The following NUP210 variants were observed in gnomAD, a reference collection of about 807,000 sequenced individuals.
NUP210 encodes nucleoporin 210, also known as nuclear pore membrane glycoprotein 210.
NUP210 carries 151 observed loss-of-function variants against 196.0 expected under a neutral mutation model. That is an observed-to-expected ratio of 0.77 (90% CI 0.67 to 0.88). NUP210 has a LOEUF of 0.88. Ranked by LOEUF, NUP210 falls within the 40% of genes least tolerant of loss-of-function variation. The pLI is 0.00. For missense variants in NUP210, 2,314 were observed against 2,493.7 expected, an observed-to-expected ratio of 0.93 and a Z score of 1.53; for synonymous variants, 1,070 against 1,052.7, an observed-to-expected ratio of 1.02 and a Z score of -0.32.
At chr3:13,409,145 C>A (rs1312176605) in intron 1 of NUP210, among the ~76,000 whole-genome samples, 2 of 152,208 alleles carry the variant, frequency 1.3e-5, no homozygotes, top group Non-Finnish European at 2.9e-5. Flanking sequence ...GGGACATGTG[C>A]TGGGTTTGGG....
At chr3:13,336,638 C>T in intron 27 of NUP210, 149 bp downstream of exon 27, 1 of 802,680 alleles carries the variant, frequency 1.2e-6, no homozygotes, top group Non-Finnish European at 1.9e-6. Flanking sequence ...CCCGATGAGC[C>T]TCGGGAGAGG....
At chr3:13,326,202 C>T (rs562734442) in intron 32 of NUP210, among the ~76,000 whole-genome samples, 108 of 152,380 alleles carry the variant, frequency 7.1e-4, no homozygotes, top group African/African-American at 1.8e-3. Flanking sequence ...TGACCCACAA[C>T]TCCCTGCCTG....
Position 13,350,783 on chromosome 3 carries a change from C to T in NUP210, c.2835+1096G>A, listed in dbSNP as rs1300759798. On this transcript the variant is annotated intron_variant, in intron 20 of 39. Coordinates refer to ENST00000254508, the MANE Select transcript of NUP210 (RefSeq NM_024923.4). The surrounding 1 kb of genome is among the most constrained non-coding windows in gnomAD (Gnocchi z 4.1). ...ATCTTGGCTCACTGCAAGCTCCACC[C>T]GCTGGGTTCACGCCATCTCCTGCCT... Among the ~76,000 whole-genome samples the T allele has an allele frequency of 2.0e-5, 3 of 151,228 alleles. No homozygotes were observed. Among genetic ancestry groups the T allele is most frequent in the Non-Finnish European group, 4.4e-5 (3 of 67,760 alleles).
Position 13,347,236 on chromosome 3 carries a change from G to T in NUP210, c.2836-3933C>A, listed in dbSNP as rs954375115. ...CCCGGCTTCATTCCCTCCTGAATCC[G>T]CAGTGCTTAACACAGCACCTGGCAC... is the stretch of plus-strand genomic sequence containing the variant. On this transcript the variant is annotated intron_variant, in intron 20 of 39. Transcript: ENST00000254508. This position sits in a 1 kb window ranked among gnomAD's most constrained non-coding sequence, Gnocchi z 4.7. 1.0e-6 allele frequency: 1 copy of T among 984,740 alleles called. No individual in the cohort carries two copies. The highest frequency in any genetic ancestry group is 1.2e-6 in the Non-Finnish European group (1 of 829,466). 61.0% of individuals were successfully genotyped at this position (984,740 alleles called of 1,614,324 possible).
chr3:13,368,936 G>C (rs919384683), intron 13 of NUP210, among the ~76,000 whole-genome samples: 2 of 152,142 alleles, frequency 1.3e-5, no homozygotes, highest in Non-Finnish European at 2.9e-5. Context: ...AACACCTTTG[G>C]ATGTGCACCC....
intron 39 of NUP210, 83 bp downstream of exon 39, chr3:13,318,989 G>A (rs1027423740): frequency 7.5e-7 from 1 of 1,339,828 alleles, no homozygotes; most frequent in African/African-American, 1.5e-5. Flanking sequence ...GAGACTTAGG[G>A]TTCAGGAGCC....
rs1696284040 is a variant in NUP210 at position 13,316,642 on chromosome 3, A to G, written c.*1039T>C. 1.3e-5 allele frequency: 2 copies of G among 152,238 alleles called. No individual in the cohort carries two copies. The highest frequency in any genetic ancestry group is 2.9e-5 in the Non-Finnish European group (2 of 68,054). The allele number at this position is 152,238 out of a possible 1,614,324, so 9.4% of individuals were successfully genotyped here. ...GGCCCTGGGCTGGCGGCCGCCCTCCATCATTGGCCCAGGCCGGGCTCTAGG... is the reference window on the plus strand; with the variant it reads ...GGCCCTGGGCTGGCGGCCGCCCTCCGTCATTGGCCCAGGCCGGGCTCTAGG... On this transcript the variant is annotated 3_prime_UTR_variant, in exon 40 of 40. Transcript: ENST00000254508.
intron 6 of NUP210, among the ~76,000 whole-genome samples, chr3:13,385,869 A>G (rs1051008629): frequency 6.6e-6 from 1 of 152,254 alleles, no homozygotes; most frequent in African/African-American, 2.4e-5. Context: ...TTAAAAGGGA[A>G]GGGAATTCCA....
At chr3:13,325,681 C>A in intron 33 of NUP210, 114 bp downstream of exon 33, 1 of 1,290,748 alleles carries the variant, frequency 7.7e-7, no homozygotes, top group Non-Finnish European at 1.1e-6. Flanking sequence ...CTCCCAGACC[C>A]AACCCCTCAG....
intron 16 of NUP210, 69 bp downstream of exon 16, chr3:13,358,153 A>G (rs541616676): frequency 2.1e-6 from 3 of 1,428,646 alleles, no homozygotes; most frequent in Middle Eastern, 5.1e-4. Flanking sequence ...ACCATGGGCG[A>G]GGCCACCAAT....
intron 16 of NUP210, among the ~76,000 whole-genome samples, chr3:13,357,058 C>A (rs2124886565): frequency 6.6e-6 from 1 of 152,344 alleles, no homozygotes; most frequent in South Asian, 2.1e-4. Flanking sequence ...CCAGAGAGGA[C>A]CTGCTCTCCA....
intron 33 of NUP210, 60 bp downstream of exon 33, chr3:13,325,735 A>G: frequency 6.3e-7 from 1 of 1,583,850 alleles, no homozygotes; most frequent in Non-Finnish European, 8.6e-7. Flanking sequence ...TCCTCCCAGA[A>G]GGTCAGGCCC....
chr3:13,324,439 G>A (rs1696662347), intron 33 of NUP210, among the ~76,000 whole-genome samples: 2 of 152,152 alleles, frequency 1.3e-5, no homozygotes, highest in Non-Finnish European at 2.9e-5. Flanking sequence ...TGGGAGAGCT[G>A]TGACATCTCT....
chr3:13,412,919 C>T (rs9881841), intron 1 of NUP210, among the ~76,000 whole-genome samples: 33,533 of 151,454 alleles, frequency 0.22, 5,801 homozygotes, highest in African/African-American at 0.49. Flanking sequence ...TGCAGTGAGC[C>T]GAGATCAGGC....
At chr3:13,331,711 G>A (rs1697001971) in intron 29 of NUP210, among the ~76,000 whole-genome samples, 1 of 152,218 alleles carries the variant, frequency 6.6e-6, no homozygotes, top group African/African-American at 2.4e-5. Context: ...CAACATGTAA[G>A]TGTCCTGTGG....
In NUP210 at chr3:13,325,844, G is replaced by A. The variant is rs1220845827; in HGVS notation, c.4595C>T (p.Ser1532Phe). ...TGVAVARAVG[S>F]VTVYYEVAGH... Reference sequence around the variant, plus strand: ...AGCGACCTCATAGTAAACCGTCACGGATCCCACGGCCCGGGCCACAGCCAC... The same window carrying A: ...AGCGACCTCATAGTAAACCGTCACGAATCCCACGGCCCGGGCCACAGCCAC... Residue 1532 changes from serine (S) to phenylalanine (F), a missense_variant, in exon 33 of 40, where the codon TCC becomes TTC. Coordinates refer to ENST00000254508, the MANE Select transcript of NUP210 (RefSeq NM_024923.4). The A allele has an allele frequency of 1.2e-6, 2 of 1,613,838 alleles. No homozygotes were observed. Among genetic ancestry groups the A allele is most frequent in the Admixed American group, 1.7e-5 (1 of 60,006 alleles).
Position 13,406,893 on chromosome 3 carries a change from C to A in NUP210, c.168-7032G>T, listed in dbSNP as rs986788598. On this transcript the variant is annotated intron_variant, in intron 1 of 39. Transcript: ENST00000254508. ...GCAGGTTTCATAGTCGGGAGTGGTGCGTGTGGCTTTCCCAGGGACCCCTCA... is the reference window on the plus strand; with the variant it reads ...GCAGGTTTCATAGTCGGGAGTGGTGAGTGTGGCTTTCCCAGGGACCCCTCA... Among the ~76,000 whole-genome samples the A allele has an allele frequency of 1.4e-4, 18 of 127,824 alleles. 1 individual carries two copies. The South Asian group carries it at 3.4e-3, about 24-fold the overall frequency. The allele number at this position is 127,824 out of a possible 152,430, so 83.9% of individuals were successfully genotyped here.
chr3:13,349,711 G>A (rs1184214577), intron 20 of NUP210, among the ~76,000 whole-genome samples: 2 of 152,222 alleles, frequency 1.3e-5, no homozygotes, highest in East Asian at 3.8e-4. Context: ...AGTTGCTCCT[G>A]AAGGAACTGA....
At chr3:13,372,071 A>T in intron 12 of NUP210, 39 bp from the exon 13 acceptor site, 1 of 1,496,514 alleles carries the variant, frequency 6.7e-7, no homozygotes. Flanking sequence ...AGCTGCCTCC[A>T]CAGGAGAGGC....
Sources: allele counts gnomAD v4.1 joint callset (sites outside exome capture counted in the v4.1 genomes callset), GRCh38; gene constraint gnomAD v4.1.1; non-coding constraint Gnocchi (gnomAD v3.1); transcripts MANE v1.5; gene names NCBI Gene and HGNC (gene_info 2026-07-23, HGNC 2026-07-21).